Variants in PKP1 observed in about 807,000 individuals in gnomAD.
PKP1 encodes the protein plakophilin 1.
PKP1 carries 27 observed loss-of-function variants against 76.4 expected under a neutral mutation model. That is an observed-to-expected ratio of 0.35 (90% CI 0.26 to 0.49). The LOEUF (loss-of-function observed/expected upper bound fraction) is 0.49, where lower values mean the gene tolerates loss of function less well. Ranked by LOEUF, PKP1 falls within the 20% of genes least tolerant of loss-of-function variation. The probability of loss-of-function intolerance (pLI) is 0.99; values close to 1 mark genes in which losing one functional copy is unlikely to be tolerated. For synonymous variants in PKP1, 404 were observed against 384.2 expected, an observed-to-expected ratio of 1.05 and a Z score of -0.60; for missense variants, 964 against 955.2, an observed-to-expected ratio of 1.01 and a Z score of -0.12.
At chr1:201,315,244 C>G (rs1351839490) in intron 3 of PKP1, among the ~76,000 whole-genome samples, 1 of 152,194 alleles carries the variant, frequency 6.6e-6, no homozygotes, top group Non-Finnish European at 1.5e-5. Context: ...TTTGGGGTGA[C>G]ATTTTACTGA....
At position 201,320,318 on chromosome 1, in the gene PKP1, G is replaced by A. The variant is rs1469384966; in HGVS notation, c.1284G>A (p.Gly428=). The A allele has an allele frequency of 2.5e-6, 4 of 1,614,052 alleles. No homozygotes were observed. In the African/African-American group the frequency reaches 4.0e-5, roughly 16 times the overall value. Residue 428 remains glycine (G), a synonymous_variant, in exon 7 of 14, where the codon GGG becomes GGA. Transcript: ENST00000367324. ...AGRQTMRNYS[G]LIDSLMAYVQ... ...GCCAGACCATGCGTAACTACTCAGGGCTCATTGATTCCCTCATGGCCTATG... is the reference window on the plus strand; with the variant it reads ...GCCAGACCATGCGTAACTACTCAGGACTCATTGATTCCCTCATGGCCTATG...
intron 12 of PKP1, 95 bp from the exon 13 acceptor site, chr1:201,328,667 C>A: frequency 9.5e-7 from 1 of 1,057,050 alleles, no homozygotes; most frequent in Non-Finnish European, 1.5e-6. Flanking sequence ...GCTGTGTGAG[C>A]CGAGGTTGCT....
chr1:201,296,502 G>A (rs1159533410), intron 2 of PKP1, among the ~76,000 whole-genome samples: 1 of 152,224 alleles, frequency 6.6e-6, no homozygotes, highest in Non-Finnish European at 1.5e-5. Flanking sequence ...ATATTTTCAG[G>A]AGCTTCTGAG....
chr1:201,295,072 T>C (rs2102155954), intron 2 of PKP1, among the ~76,000 whole-genome samples: 1 of 152,290 alleles, frequency 6.6e-6, no homozygotes, highest in African/African-American at 2.4e-5. Flanking sequence ...GCTGCTTCTC[T>C]GTGGGAATCT....
rs756889590 is a variant in PKP1, at chr1:201,316,668, T to C, written c.817T>C (p.Cys273Arg). 11 of 1,613,950 alleles carry C rather than the reference T, an allele frequency of 6.8e-6. No individual in the cohort carries two copies. Among genetic ancestry groups the C allele is most frequent in the Non-Finnish European group, 3.4e-6 (4 of 1,180,006 alleles). The change falls in exon 4 of 14, where the codon TGC (cysteine) becomes CGC (arginine). Residue 273 changes from cysteine (C) to arginine (R), a missense_variant. Transcript: ENST00000367324. ...AIGAYYIQHTCFQDESAKQQV... is the reference protein window; with the variant it reads ...AIGAYYIQHTRFQDESAKQQV... The stretch of plus-strand genomic sequence containing the variant: ...TGGGGCCTATTACATCCAGCATACC[T>C]GCTTCCAGGATGAATCTGCCAAGCA...
intron 2 of PKP1, among the ~76,000 whole-genome samples, chr1:201,306,236 T>C (rs1468954041): frequency 6.6e-6 from 1 of 152,156 alleles, no homozygotes; most frequent in African/African-American, 2.4e-5. Flanking sequence ...GTGCAGTAAA[T>C]AGGCAAGGAG....
chr1:201,294,119 C>G, intron 2 of PKP1, 74 bp downstream of exon 2: 1 of 989,882 alleles, frequency 1.0e-6, no homozygotes, highest in South Asian at 1.4e-5. Context: ...TGGAGAAAAC[C>G]GGCACCAGTT....
chr1:201,319,674 A>T, intron 6 of PKP1: 1 of 801,708 alleles, frequency 1.2e-6, no homozygotes, highest in Non-Finnish European at 2.1e-6. Context: ...TTGCTTGGGG[A>T]TGAGCCCACA....
Position 201,284,019 on chromosome 1 carries a change from G to A in PKP1, c.202+115G>A. 1.0e-5 allele frequency: 10 copies of A among 978,034 alleles called. 1 individual carries two copies. Among genetic ancestry groups the A allele is most frequent in the South Asian group, 4.1e-5 (3 of 72,660 alleles). 60.6% of individuals were successfully genotyped at this position (978,034 alleles called of 1,614,324 possible). On this transcript the variant is annotated intron_variant, in intron 1 of 13. Coordinates refer to ENST00000367324, the MANE Select transcript of PKP1 (RefSeq NM_001005337.3). The stretch of plus-strand genomic sequence containing the variant: ...GGATGAGGGGAGGCGAGGGGCTGCC[G>A]GCCCCAGGCAGGGTCTACGCACCTA...
chr1:201,289,348 T>C (rs547621061), intron 1 of PKP1, among the ~76,000 whole-genome samples: 1 of 152,318 alleles, frequency 6.6e-6, no homozygotes, highest in South Asian at 2.1e-4. Flanking sequence ...GAGCTTCCTT[T>C]CTCAAGCTTT....
chr1:201,284,015 T>C, intron 1 of PKP1, 111 bp downstream of exon 1: 1 of 1,006,850 alleles, frequency 9.9e-7, no homozygotes, highest in Non-Finnish European at 1.5e-6. Context: ...GGCGAGGGGC[T>C]GCCGGCCCCA....
rs759411149 is a variant in PKP1 at position 201,320,264 on chromosome 1, C to G, written c.1233-3C>G. On this transcript the variant is annotated splice_region_variant and splice_polypyrimidine_tract_variant and intron_variant, in intron 6 of 13. Coordinates refer to ENST00000367324, the MANE Select transcript of PKP1 (RefSeq NM_001005337.3). ...CCCTCTTCCACCCTCTTCTCTCCCC[C>G]AGGAACCTGAGCTCGGCCGATGCAG... 1 of 1,605,574 alleles carries G rather than the reference C, an allele frequency of 6.2e-7. No homozygotes were observed. The highest frequency in any genetic ancestry group is 8.5e-7 in the Non-Finnish European group (1 of 1,172,304).
intron 1 of PKP1, among the ~76,000 whole-genome samples, chr1:201,285,131 T>A (rs832163): frequency 1.3e-5 from 2 of 151,888 alleles, no homozygotes; most frequent in South Asian, 4.2e-4. Context: ...CAACCAAGAC[T>A]TATGTATTAA....
Position 201,322,914 on chromosome 1 carries a change from A to G in PKP1, c.1504-99A>G, listed in dbSNP as rs997974585. The G allele has an allele frequency of 8.3e-6, 11 of 1,326,724 alleles. No homozygotes were observed. In the Admixed American group the frequency reaches 2.1e-4, roughly 25 times the overall value. 82.2% of individuals were successfully genotyped at this position (1,326,724 alleles called of 1,614,324 possible). Reference sequence around the variant, plus strand: ...GCTTCCTCAGCTTGCCCTATCTGGAACCACGACCCTGAGGCTGGGGGGATG... The same window carrying G: ...GCTTCCTCAGCTTGCCCTATCTGGAGCCACGACCCTGAGGCTGGGGGGATG... On this transcript the variant is annotated intron_variant, in intron 8 of 13. Coordinates refer to ENST00000367324, the MANE Select transcript of PKP1 (RefSeq NM_001005337.3).
At chr1:201,309,469 C>T (rs1188910683) in intron 2 of PKP1, among the ~76,000 whole-genome samples, 1 of 152,174 alleles carries the variant, frequency 6.6e-6, no homozygotes, top group African/African-American at 2.4e-5. Flanking sequence ...TCCAGTCTAG[C>T]CTGCTGTCTG....
At chr1:201,316,775 T>A in intron 4 of PKP1, 78 bp downstream of exon 4, 1 of 1,535,512 alleles carries the variant, frequency 6.5e-7, no homozygotes. Context: ...CTTTTAGAGA[T>A]GGGTGAGGGC....
At chr1:201,320,938 C>T (rs1656920148) in intron 7 of PKP1, among the ~76,000 whole-genome samples, 1 of 152,198 alleles carries the variant, frequency 6.6e-6, no homozygotes, top group Admixed American at 6.5e-5. Context: ...CATCTTGCTG[C>T]CCTCTCTGGA....
At chr1:201,310,584 G>A (rs1316544191) in intron 2 of PKP1, among the ~76,000 whole-genome samples, 1 of 152,218 alleles carries the variant, frequency 6.6e-6, no homozygotes, top group Non-Finnish European at 1.5e-5. Context: ...ACCTCCTTGT[G>A]CCTTGGAGGG....
chr1:201,317,251 A>G (rs1284322292), intron 4 of PKP1, among the ~76,000 whole-genome samples: 1 of 152,150 alleles, frequency 6.6e-6, no homozygotes, highest in Non-Finnish European at 1.5e-5. Flanking sequence ...ATGTATTTAC[A>G]TCCACTCTCT....
Sources: gnomAD v4.1 joint callset for allele counts (sites outside exome capture counted in the v4.1 genomes callset) on GRCh38, gnomAD v4.1.1 for gene constraint, MANE v1.5 for transcripts, NCBI Gene and HGNC (gene_info 2026-07-23, HGNC 2026-07-21) for gene names.